Variants in GALNTL5 observed in about 807,000 individuals in gnomAD.
The protein encoded by GALNTL5 is inactive polypeptide N-acetylgalactosaminyltransferase-like protein 5.
In GALNTL5, 44 loss-of-function variants were observed where a neutral mutation model predicts 51.0. That is an observed-to-expected ratio of 0.86 (90% CI 0.68 to 1.11). The LOEUF (loss-of-function observed/expected upper bound fraction) is 1.11. Among genes scored for constraint, GALNTL5 ranks in the 50% least tolerant of loss-of-function variants. The pLI is 0.00. For missense variants in GALNTL5, 528 were observed against 531.8 expected, an observed-to-expected ratio of 0.99 and a Z score of 0.07; for synonymous variants, 192 against 182.8, an observed-to-expected ratio of 1.05 and a Z score of -0.41.
intron 2 of GALNTL5, 118 bp downstream of exon 2, chr7:151,967,611 A>G (rs2081076127): frequency 2.7e-6 from 2 of 737,484 alleles, no homozygotes; most frequent in Admixed American, 5.9e-5. Context: ...TAAGATATAA[A>G]TTATTTTATA....
chr7:152,010,119 C>CTTT (rs371662298), intron 7 of GALNTL5, among the ~76,000 whole-genome samples: 2,173 of 146,390 alleles, frequency 0.015, 56 homozygotes, highest in African/African-American at 0.051. Flanking sequence ...AAAGTGGCTT[C>CTTT]TTTTTTTTTT....
chr7:152,014,834 C>A lies in GALNTL5; in HGVS notation c.1176+41C>A, dbSNP rs374560907. 1.7e-4 allele frequency: 258 copies of A among 1,551,906 alleles called. No homozygotes were observed. In the African/African-American group the frequency reaches 3.1e-3, roughly 19 times the overall value. On this transcript the variant is annotated intron_variant, in intron 8 of 8. Coordinates refer to ENST00000392800, the MANE Select transcript of GALNTL5 (RefSeq NM_145292.4). ...TTGACTTGGAAAATGTATGCGAGGC[C>A]GGAGCAGGACTTGTTCTGAGGAAGC...
intron 2 of GALNTL5, among the ~76,000 whole-genome samples, chr7:151,970,158 C>A (rs1409428158): frequency 6.6e-6 from 1 of 151,084 alleles, no homozygotes; most frequent in East Asian, 2.0e-4. Flanking sequence ...TGGGGGGGCC[C>A]CCACCAATAG....
chr7:151,974,926 T>C (rs1364927286), intron 3 of GALNTL5, among the ~76,000 whole-genome samples: 1 of 152,160 alleles, frequency 6.6e-6, no homozygotes, highest in Non-Finnish European at 1.5e-5. Context: ...TTCAATTCTG[T>C]ACAAAGAGCC....
At chr7:151,967,622 T>TCTTA in intron 2 of GALNTL5, 129 bp downstream of exon 2, 2 of 650,250 alleles carry the variant, frequency 3.1e-6, no homozygotes, top group Non-Finnish European at 5.0e-6. Flanking sequence ...TTATTTTATA[T>TCTTA]AGTGTATATA....
At chr7:152,003,838 A>AT (rs557182684) in intron 6 of GALNTL5, among the ~76,000 whole-genome samples, 129 of 152,324 alleles carry the variant, frequency 8.5e-4, no homozygotes, top group Non-Finnish European at 1.2e-3. Context: ...CATATAAAAC[A>AT]TTTTTAGGCT....
chr7:151,998,152 T>A (rs2081524146), intron 5 of GALNTL5, among the ~76,000 whole-genome samples: 1 of 152,176 alleles, frequency 6.6e-6, no homozygotes, highest in South Asian at 2.1e-4. Context: ...GAGGTTATAG[T>A]GAGCTATAAT....
intron 2 of GALNTL5, among the ~76,000 whole-genome samples, chr7:151,968,437 C>G (rs1383930054): frequency 6.6e-6 from 1 of 152,206 alleles, no homozygotes; most frequent in South Asian, 2.1e-4. Flanking sequence ...CTGCTCTGAA[C>G]GGCCCTCCCA....
At chr7:151,966,271 T>C (rs563005271) in intron 1 of GALNTL5, among the ~76,000 whole-genome samples, 2 of 151,938 alleles carry the variant, frequency 1.3e-5, no homozygotes, top group African/African-American at 4.8e-5. Flanking sequence ...TTCTTTCTTT[T>C]TTTTTTTTTG....
In GALNTL5 at chr7:151,967,385, T is replaced by A; in HGVS notation, c.139T>A (p.Ser47Thr). 5 of 1,613,978 alleles carry A rather than the reference T, an allele frequency of 3.1e-6. No homozygotes were observed. The highest frequency in any genetic ancestry group is 4.2e-6 in the Non-Finnish European group (5 of 1,179,988). ...KKSQEPLSAW[S>T]PGKKVHQQII... ...AAGCCAGGAGCCTCTGTCAGCTTGGTCCCCTGGAAAAAAAGTGCATCAGCA... is the reference window on the plus strand; with the variant it reads ...AAGCCAGGAGCCTCTGTCAGCTTGGACCCCTGGAAAAAAAGTGCATCAGCA... Residue 47 changes from serine (S) to threonine (T), a missense_variant, in exon 2 of 9, where the codon TCC (serine) becomes ACC (threonine). Transcript: ENST00000392800.
At chr7:151,986,916 G>A (rs2081365651) in intron 4 of GALNTL5, among the ~76,000 whole-genome samples, 1 of 145,274 alleles carries the variant, frequency 6.9e-6, no homozygotes, top group African/African-American at 2.7e-5. Context: ...AGTAGAGAGG[G>A]GGTTTTCACC....
rs77159564 is a variant in GALNTL5, at chr7:151,959,647, G to A, written c.-40+3038G>A. Among the ~76,000 whole-genome samples, 666 of 152,208 alleles carry A rather than the reference G, an allele frequency of 4.4e-3. 6 individuals carry two copies. The highest frequency in any genetic ancestry group is 0.015 in the African/African-American group (637 of 41,514). On this transcript the variant is annotated intron_variant, in intron 1 of 8. Coordinates refer to ENST00000392800, the MANE Select transcript of GALNTL5 (RefSeq NM_145292.4). ...ACTCAGTCCCATATATACACCCTGC[G>A]TGCCTGCTGGTTCAAGATGGCTGAT...
chr7:151,966,765 A>C (rs1265583000), intron 1 of GALNTL5, among the ~76,000 whole-genome samples: 3 of 152,220 alleles, frequency 2.0e-5, no homozygotes, highest in Non-Finnish European at 4.4e-5. Flanking sequence ...CCATTGTGCC[A>C]TTCATCAGTG....
chr7:152,014,627 G>T lies in GALNTL5; in HGVS notation c.1027-17G>T, dbSNP rs1226272387. On this transcript the variant is annotated splice_polypyrimidine_tract_variant and intron_variant, in intron 7 of 8. Transcript: ENST00000392800. ...GTAATAATGCATTCGTATGTTTTTT[G>T]TTCTTCTTATGCCTAGATCTGGATG... 3.2e-6 allele frequency: 5 copies of T among 1,581,840 alleles called. No individual in the cohort carries two copies. In the Admixed American group the frequency reaches 7.7e-5, roughly 24 times the overall value.
At chr7:151,986,563 A>G (rs976072544) in intron 4 of GALNTL5, among the ~76,000 whole-genome samples, 2 of 152,094 alleles carry the variant, frequency 1.3e-5, no homozygotes, top group African/African-American at 4.8e-5. Context: ...TGATCCTGGG[A>G]GGTCAAGGCT....
chr7:151,997,211 C>A (rs2081511033), intron 5 of GALNTL5, among the ~76,000 whole-genome samples: 1 of 152,208 alleles, frequency 6.6e-6, no homozygotes, highest in Admixed American at 6.5e-5. Context: ...ATTCCTCTAT[C>A]AGGCAGGCTT....
rs1334110632 is a variant in GALNTL5, at chr7:151,962,437, T to TTTC, written c.-39-4769_-39-4768insCTT. 5.5e-3 allele frequency among the ~76,000 whole-genome samples: 690 copies of TTTC among 126,244 alleles called. 17 individuals carry two copies. Among genetic ancestry groups the TTTC allele is most frequent in the Non-Finnish European group, 8.0e-3 (471 of 59,182 alleles). 82.8% of individuals were successfully genotyped at this position (126,244 alleles called of 152,430 possible). On this transcript the variant is annotated intron_variant, in intron 1 of 8. Coordinates refer to ENST00000392800, the MANE Select transcript of GALNTL5 (RefSeq NM_145292.4). Reference sequence around the variant, plus strand: ...AAAAAGTCTGTGTGATTTTTTTTTCTTTTTTTTTTTTTTTGGTTAATGCAG... The same window carrying TTTC: ...AAAAAGTCTGTGTGATTTTTTTTTCTTTCTTTTTTTTTTTTTTGGTTAATGCAG...
chr7:151,996,468 C>T (rs1299517722), intron 5 of GALNTL5, among the ~76,000 whole-genome samples: 2 of 152,038 alleles, frequency 1.3e-5, no homozygotes, highest in East Asian at 3.9e-4. Context: ...GGCTGGGTGC[C>T]GTGGCTCACG....
At chr7:152,006,610 A>G (rs558316208) in intron 6 of GALNTL5, among the ~76,000 whole-genome samples, 107 of 151,992 alleles carry the variant, frequency 7.0e-4, no homozygotes, top group African/African-American at 2.5e-3. Flanking sequence ...CTTATCCCGG[A>G]TCCCATTATT....
Sources: gnomAD v4.1 joint callset for allele counts (sites outside exome capture counted in the v4.1 genomes callset) on GRCh38, gnomAD v4.1.1 for gene constraint, MANE v1.5 for transcripts, NCBI Gene and HGNC (gene_info 2026-07-23, HGNC 2026-07-21) for gene names.